Variants in SMG6 observed in about 807,000 individuals in gnomAD.
SMG6 encodes the protein SMG6 nonsense mediated mRNA decay factor, also known as telomerase-binding protein EST1A.
Under a neutral mutation model 142.2 loss-of-function variants are expected in SMG6, and 66 were observed. The ratio of observed to expected loss-of-function variants is 0.46; its 90% confidence interval spans 0.38 to 0.57. The LOEUF is 0.57. Ranked by LOEUF, SMG6 falls within the 20% of genes least tolerant of loss-of-function variation. SMG6 has a pLI of 0.00. For synonymous variants in SMG6, 779 were observed against 702.4 expected, an observed-to-expected ratio of 1.11 and a Z score of -1.72; for missense variants, 1,793 against 1,832.0, an observed-to-expected ratio of 0.98 and a Z score of 0.39.
chr17:2,268,365 G>A (rs1456704355), intron 8 of SMG6, among the ~76,000 whole-genome samples: 4 of 152,168 alleles, frequency 2.6e-5, no homozygotes, highest in South Asian at 2.1e-4. Context: ...ATTGTTTTGC[G>A]GGGAGGGTGG....
At chr17:2,200,924 C>T (rs1039528467) in intron 10 of SMG6, among the ~76,000 whole-genome samples, 5 of 152,130 alleles carry the variant, frequency 3.3e-5, no homozygotes, top group Non-Finnish European at 5.9e-5. Flanking sequence ...CCACCACACC[C>T]GGCCCATTAT....
chr17:2,259,193 T>G lies in SMG6; in HGVS notation c.2662-14474A>C, dbSNP rs1402453132. 2.6e-5 allele frequency among the ~76,000 whole-genome samples: 4 copies of G among 151,646 alleles called. No individual in the cohort carries two copies. In the East Asian group the frequency reaches 7.8e-4, roughly 29 times the overall value. ...CAAAACCCACCAATGGTTTCAGCTT[T>G]CTTTCACCGAGAGACCACCAGGCCA... On this transcript the variant is annotated intron_variant, in intron 8 of 18. Transcript: ENST00000263073.
chr17:2,067,424 C>T (rs1160897060), intron 16 of SMG6, among the ~76,000 whole-genome samples: 2 of 152,134 alleles, frequency 1.3e-5, no homozygotes, highest in Non-Finnish European at 2.9e-5. Context: ...TTCAGTTGTA[C>T]CCTTTCCTGA....
chr17:2,202,593 C>T (rs181380992), intron 10 of SMG6, among the ~76,000 whole-genome samples: 9 of 152,158 alleles, frequency 5.9e-5, no homozygotes, highest in East Asian at 3.9e-4. Context: ...TTTAGAAACA[C>T]ATTAGTCTGA....
rs762002860 is a variant in SMG6 at position 2,300,350 on chromosome 17, T to C, written c.403A>G (p.Ile135Val). The C allele has an allele frequency of 1.7e-5, 28 of 1,613,842 alleles. No homozygotes were observed. The highest frequency in any genetic ancestry group is 3.3e-5 in the Admixed American group (2 of 60,006). The change falls in exon 2 of 19, where the codon ATC becomes GTC. Residue 135 changes from isoleucine to valine, a missense_variant. By Grantham distance (29) the Ile-to-Val change is conservative. Around this residue, in one of 3 missense-constraint regions of SMG6, gnomAD observed 1,597 missense variants for 1,584.6 expected, o/e 1.01. Coordinates refer to ENST00000263073, the MANE Select transcript of SMG6 (RefSeq NM_017575.5). ...AGQEDRSLKI[I>V]KRTKKPDLQI... is the part of the protein sequence containing the mutation. ...AGGTCGGGTTTCTTTGTTCTTTTGA[T>C]AATTTTTAGACTACGATCCTCTTGT...
chr17:2,086,259 T>A (rs1192256180), intron 13 of SMG6, among the ~76,000 whole-genome samples: 1 of 151,814 alleles, frequency 6.6e-6, no homozygotes, highest in Non-Finnish European at 1.5e-5. Flanking sequence ...GAGGGAAGAG[T>A]GGAGTGCTTT....
intron 13 of SMG6, among the ~76,000 whole-genome samples, chr17:2,089,195 A>G (rs1300231888): frequency 1.3e-5 from 2 of 152,192 alleles, no homozygotes; most frequent in African/African-American, 2.4e-5. Flanking sequence ...TATATCAATG[A>G]AAACCAGAGA....
chr17:2,208,806 G>A (rs775377034), intron 10 of SMG6, among the ~76,000 whole-genome samples: 6 of 152,216 alleles, frequency 3.9e-5, no homozygotes, highest in Non-Finnish European at 7.3e-5. Context: ...GATATAGTTT[G>A]GACAGAAAAA....
intron 13 of SMG6, among the ~76,000 whole-genome samples, chr17:2,106,083 G>A (rs2069147397): frequency 6.6e-6 from 1 of 152,214 alleles, no homozygotes; most frequent in African/African-American, 2.4e-5. Context: ...GAGAAGGTAT[G>A]AAGGAGGAGA....
intron 6 of SMG6, among the ~76,000 whole-genome samples, chr17:2,291,296 A>G (rs988435367): frequency 6.6e-6 from 1 of 151,538 alleles, no homozygotes; most frequent in Non-Finnish European, 1.5e-5. Flanking sequence ...GCGCCACTGC[A>G]CTCCAGCCTG....
intron 13 of SMG6, chr17:2,088,106 A>G: frequency 4.1e-6 from 4 of 985,430 alleles, no homozygotes; most frequent in Non-Finnish European, 4.8e-6. Flanking sequence ...TGAGAGGTAC[A>G]CTGGCACCCC....
chr17:2,219,803 CAAAA>C (rs72234069), intron 10 of SMG6, among the ~76,000 whole-genome samples: 30,799 of 118,158 alleles, frequency 0.26, 3,175 homozygotes, highest in East Asian at 0.33. Context: ...GACCCTTTAT[CAAAA>C]AAAAAAAAAA....
intron 8 of SMG6, among the ~76,000 whole-genome samples, chr17:2,259,944 C>T (rs569171869): frequency 6.6e-6 from 1 of 152,144 alleles, no homozygotes; most frequent in East Asian, 1.9e-4. Flanking sequence ...AAGCAAATAA[C>T]CAGCACACAG....
At chr17:2,182,277 A>T (rs1302261595) in intron 12 of SMG6, among the ~76,000 whole-genome samples, 1 of 152,218 alleles carries the variant, frequency 6.6e-6, no homozygotes, top group African/African-American at 2.4e-5. Context: ...ACTGCTGAGA[A>T]ACAGCTGTCC....
At chr17:2,188,571 T>C (rs1230029834) in intron 10 of SMG6, 56 bp from the exon 11 acceptor site, 21 of 1,461,152 alleles carry the variant, frequency 1.4e-5, no homozygotes, top group Admixed American at 6.9e-5. Flanking sequence ...TGCACATCAC[T>C]GGCCACGTTA....
intron 10 of SMG6, among the ~76,000 whole-genome samples, chr17:2,218,760 A>G (rs2073090927): frequency 6.6e-6 from 1 of 152,186 alleles, no homozygotes; most frequent in Non-Finnish European, 1.5e-5. Context: ...AGAGTGATGT[A>G]TAAAAATAAG....
chr17:2,249,115 A>G lies in SMG6; in HGVS notation c.2662-4396T>C, dbSNP rs187421221. ...TCACCGTGTTAGCCAGGATGGTCTC[A>G]ATCTCCTGACCTTGTGATCCGCCCG... On this transcript the variant is annotated intron_variant, in intron 8 of 18. Transcript: ENST00000263073. Among the ~76,000 whole-genome samples, 863 of 151,120 alleles carry G rather than the reference A, an allele frequency of 5.7e-3. 5 individuals are homozygous for G. The highest frequency in any genetic ancestry group is 0.017 in the African/African-American group (712 of 41,164).
At chr17:2,205,671 T>C (rs74506985) in intron 10 of SMG6, among the ~76,000 whole-genome samples, 1,563 of 152,252 alleles carry the variant, frequency 0.01, 32 homozygotes, top group African/African-American at 0.034. Flanking sequence ...GTATATCAAT[T>C]CTTCAGGAAA....
intron 8 of SMG6, chr17:2,255,826 T>G (rs1323906390): frequency 8.7e-6 from 2 of 228,630 alleles, no homozygotes; most frequent in Non-Finnish European, 1.7e-5. Flanking sequence ...ACTTTTCATT[T>G]TGTTCTGTAC....
Sources: gnomAD v4.1 joint callset for allele counts (sites outside exome capture counted in the v4.1 genomes callset) on GRCh38, gnomAD v4.1.1 for gene constraint, gnomAD v4.1.1 regional missense constraint, MANE v1.5 for transcripts, NCBI Gene and HGNC (gene_info 2026-07-23, HGNC 2026-07-21) for gene names.